Variants in CSMD1 observed in about 807,000 individuals in gnomAD.
CSMD1 encodes CUB and sushi domain-containing protein 1.
Under a neutral mutation model 417.5 loss-of-function variants are expected in CSMD1, and 213 were observed. That is an observed-to-expected ratio of 0.51 (90% CI 0.46 to 0.57). The LOEUF is 0.57. CSMD1 is among the 20% of genes least tolerant of loss of function. CSMD1 has a pLI of 0.00. For missense variants in CSMD1, 6,923 were observed against 4,529.7 expected (o/e 1.53, Z -15.17); for synonymous variants, 2,862 against 1,736.8 (o/e 1.65, Z -16.11).
chr8:3,449,520 A>T (rs1011012350), intron 12 of CSMD1, among the ~76,000 whole-genome samples: 16 of 145,966 alleles, frequency 1.1e-4, no homozygotes, highest in South Asian at 2.2e-4. Flanking sequence ...CATGACAGCA[A>T]TTTTTTTTTT....
intron 5 of CSMD1, among the ~76,000 whole-genome samples, chr8:3,860,167 G>C (rs1425236153): frequency 6.6e-6 from 1 of 152,092 alleles, no homozygotes; most frequent in African/African-American, 2.4e-5. Context: ...ATTTGATAGA[G>C]CAGGCAGTAG....
intron 37 of CSMD1, among the ~76,000 whole-genome samples, chr8:3,180,154 C>A (rs1241797267): frequency 6.6e-6 from 1 of 152,190 alleles, no homozygotes; most frequent in Non-Finnish European, 1.5e-5. Context: ...ATAAACCTTA[C>A]TCTCATTGGA....
At chr8:3,402,380 C>T (rs2116881386) in intron 15 of CSMD1, among the ~76,000 whole-genome samples, 1 of 152,230 alleles carries the variant, frequency 6.6e-6, no homozygotes, top group African/African-American at 2.4e-5. Context: ...TTAAGCTTTG[C>T]TGCCACAGAG....
rs376479808 is a variant in CSMD1 at position 3,073,857 on chromosome 8, A to AT, written c.7474+13239dup. On this transcript the variant is annotated intron_variant, in intron 49 of 69. Coordinates refer to ENST00000635120, the MANE Select transcript of CSMD1 (RefSeq NM_033225.6). The stretch of plus-strand genomic sequence containing the variant: ...TGAATGAAAATGGAAACAATGAGTG[A>AT]TTTTTTTTGTTTCATTTTGACTGTT... Among the ~76,000 whole-genome samples, 78 of 152,154 alleles carry AT rather than the reference A, an allele frequency of 5.1e-4. 1 individual carries two copies. The highest frequency in any genetic ancestry group is 1.9e-4 in the East Asian group (1 of 5,176).
intron 2 of CSMD1, among the ~76,000 whole-genome samples, chr8:4,625,785 A>G (rs1179296505): frequency 6.6e-6 from 1 of 152,056 alleles, no homozygotes; most frequent in Admixed American, 6.6e-5. Context: ...GTGCCGTGGT[A>G]TGATCTCAGC....
intron 5 of CSMD1, among the ~76,000 whole-genome samples, chr8:3,831,174 C>G (rs375790749): frequency 6.6e-6 from 1 of 152,154 alleles, no homozygotes. Context: ...TATCTAGAGA[C>G]TCTACATTGA....
At chr8:4,065,482 T>A (rs1563076420) in intron 3 of CSMD1, among the ~76,000 whole-genome samples, 1 of 152,216 alleles carries the variant, frequency 6.6e-6, no homozygotes, top group Non-Finnish European at 1.5e-5. Flanking sequence ...GTACATTAGC[T>A]AATACAAAGG....
chr8:3,429,475 C>G (rs559430204), intron 12 of CSMD1, among the ~76,000 whole-genome samples: 2 of 152,144 alleles, frequency 1.3e-5, no homozygotes, highest in Non-Finnish European at 2.9e-5. Context: ...CAGATGTTCA[C>G]TGACCTTCAT....
rs1259232920 is a variant in CSMD1, at chr8:2,998,127, A to C, written c.8261T>G (p.Phe2754Cys). Residue 2754 changes from phenylalanine (F) to cysteine (C), a missense_variant, in exon 54 of 70, where the codon TTC (phenylalanine) becomes TGC (cysteine). Coordinates refer to ENST00000635120, the MANE Select transcript of CSMD1 (RefSeq NM_033225.6). ...PAHGFTNGSE[F>C]NLNDVVNFTC... ...GAAATTCACGACATCATTCAGGTTG[A>C]ACTCACTGCCATTAGTGAATCCGTG... 6.2e-7 allele frequency: 1 copy of C among 1,614,018 alleles called. No individual in the cohort carries two copies. The highest frequency in any genetic ancestry group is 8.5e-7 in the Non-Finnish European group (1 of 1,179,876).
intron 3 of CSMD1, among the ~76,000 whole-genome samples, chr8:4,097,460 T>C (rs1309593334): frequency 6.6e-6 from 1 of 152,190 alleles, no homozygotes; most frequent in East Asian, 1.9e-4. Context: ...TAAAGGGGGT[T>C]GTAATAATTT....
chr8:4,299,462 T>G (rs1376089240), intron 3 of CSMD1, among the ~76,000 whole-genome samples: 1 of 152,188 alleles, frequency 6.6e-6, no homozygotes, highest in East Asian at 1.9e-4. Flanking sequence ...TAATTGGTTC[T>G]TTAATTCAAC....
intron 2 of CSMD1, among the ~76,000 whole-genome samples, chr8:4,470,476 G>A (rs1431112083): frequency 6.6e-6 from 1 of 152,212 alleles, no homozygotes; most frequent in South Asian, 2.1e-4. Context: ...GCAGCTCAAT[G>A]CTTAACTGGA....
chr8:3,022,789 G>A (rs1015971686), intron 51 of CSMD1, among the ~76,000 whole-genome samples: 1 of 152,126 alleles, frequency 6.6e-6, no homozygotes, highest in Non-Finnish European at 1.5e-5. Context: ...AAAAGGCTCA[G>A]TGGACTCACA....
At position 4,855,983 on chromosome 8, in the gene CSMD1, T is replaced by C. The variant is rs989621143; in HGVS notation, c.85+138349A>G. Among the ~76,000 whole-genome samples, 2 of 150,914 alleles carry C rather than the reference T, an allele frequency of 1.3e-5. 1 individual carries two copies. Among genetic ancestry groups the C allele is most frequent in the South Asian group, 4.3e-4 (2 of 4,698 alleles). On this transcript the variant is annotated intron_variant, in intron 1 of 69. Transcript: ENST00000635120. ...ATTGTCAGATTCACCAAAGTTGAAA[T>C]GAAGGAAAAAATGTTAAGGGCAGCC...
chr8:3,493,563 C>T (rs1182623526), intron 11 of CSMD1, 60 bp downstream of exon 11: 6 of 1,402,684 alleles, frequency 4.3e-6, no homozygotes, highest in African/African-American at 1.4e-5. Context: ...AATCTCATCT[C>T]CACCCACCGT....
At chr8:3,851,382 T>C (rs1281849364) in intron 5 of CSMD1, among the ~76,000 whole-genome samples, 1 of 152,210 alleles carries the variant, frequency 6.6e-6, no homozygotes, top group Non-Finnish European at 1.5e-5. Flanking sequence ...ACCACTTTTG[T>C]TATCTCTTTT....
At position 4,617,987 on chromosome 8, in the gene CSMD1, C is replaced by T. The variant is rs75569224; in HGVS notation, c.302+19355G>A. Among the ~76,000 whole-genome samples, 1,394 of 152,156 alleles carry T rather than the reference C, an allele frequency of 9.2e-3. 19 individuals carry two copies. The highest frequency in any genetic ancestry group is 0.032 in the African/African-American group (1,310 of 41,498). On this transcript the variant is annotated intron_variant, in intron 2 of 69. Transcript: ENST00000635120. ...TTAAAATATTTATGATTTGGAGCTG[C>T]CTATTTGGATAAGATTTCTCTTGGC... is the stretch of plus-strand genomic sequence containing the variant.
chr8:4,184,919 C>T (rs1314180238), intron 3 of CSMD1, among the ~76,000 whole-genome samples: 1 of 149,928 alleles, frequency 6.7e-6, no homozygotes, highest in African/African-American at 2.5e-5. Flanking sequence ...GGGTGGATCA[C>T]CTGAGGTCAG....
At chr8:3,967,677 G>C (rs2627468) in intron 5 of CSMD1, among the ~76,000 whole-genome samples, 2 of 151,828 alleles carry the variant, frequency 1.3e-5, no homozygotes, top group African/African-American at 4.8e-5. Flanking sequence ...GTCAATACGT[G>C]CTGGGGTGAG....
Sources: gnomAD v4.1 joint callset for allele counts (sites outside exome capture counted in the v4.1 genomes callset) on GRCh38, gnomAD v4.1.1 for gene constraint, MANE v1.5 for transcripts, NCBI Gene and HGNC (gene_info 2026-07-23, HGNC 2026-07-21) for gene names.